The following FAM151B variants were observed in gnomAD, a reference collection of about 807,000 sequenced individuals.
The protein encoded by FAM151B is protein FAM151B.
In FAM151B, 24 loss-of-function variants were observed where a neutral mutation model predicts 31.2. The observed-to-expected ratio is 0.77, with a 90% CI of 0.56 to 1.08. The LOEUF is 1.08. Ranked by LOEUF, FAM151B falls within the 50% of genes least tolerant of loss-of-function variation. FAM151B has a pLI of 0.00. For synonymous variants in FAM151B, 105 were observed against 111.4 expected (o/e 0.94, Z 0.36); for missense variants, 293 against 328.6 (o/e 0.89, Z 0.84).
chr5:80,514,905 T>G (rs138328092), intron 3 of FAM151B, among the ~76,000 whole-genome samples: 2 of 152,186 alleles, frequency 1.3e-5, no homozygotes, highest in African/African-American at 4.8e-5. Context: ...GAGTTTGGAT[T>G]GACAGGGTCT....
chr5:80,537,696 C>T (rs2112677320), intron 5 of FAM151B, among the ~76,000 whole-genome samples: 1 of 152,082 alleles, frequency 6.6e-6, no homozygotes, highest in East Asian at 1.9e-4. Context: ...AAATGTAGAT[C>T]TTATTTTGTA....
intron 1 of FAM151B, chr5:80,498,919 G>A: frequency 3.4e-6 from 1 of 293,098 alleles, no homozygotes; most frequent in Admixed American, 3.6e-5. Context: ...TTTCTATTGT[G>A]TCCGAGGGTT....
At chr5:80,530,198 A>G (rs1172626059) in intron 5 of FAM151B, among the ~76,000 whole-genome samples, 1 of 152,234 alleles carries the variant, frequency 6.6e-6, no homozygotes, top group South Asian at 2.1e-4. Flanking sequence ...CTTCATGCTA[A>G]AAACTCTCAA....
intron 5 of FAM151B, among the ~76,000 whole-genome samples, chr5:80,538,412 C>CTTTCTT (rs1450311672): frequency 4.0e-5 from 2 of 50,248 alleles, no homozygotes; most frequent in Admixed American, 2.1e-4. Flanking sequence ...TTCTTTCTTT[C>CTTTCTT]TTTCTTTCTT....
chr5:80,505,976 T>C, intron 2 of FAM151B: 7 of 451,616 alleles, frequency 1.5e-5, no homozygotes, highest in Non-Finnish European at 2.1e-5. Flanking sequence ...CAGACTGGTC[T>C]CGAACTCCTG....
chr5:80,513,669 A>G lies in FAM151B; in HGVS notation c.217A>G (p.Ile73Val), dbSNP rs1436478998. The G allele has an allele frequency of 5.6e-6, 9 of 1,614,070 alleles. No homozygotes were observed. In the African/African-American group the frequency reaches 6.7e-5, roughly 12 times the overall value. Residue 73 changes from isoleucine (I) to valine (V), a missense_variant, in exon 3 of 6, where the codon ATT (isoleucine) becomes GTT (valine). Physicochemically the swap from Ile to Val is conservative, Grantham distance 29. Transcript: ENST00000282226. ...PSDGSEHSQP[I>V]MAHPPETNSD... is the part of the protein sequence containing the mutation. Reference sequence around the variant, plus strand: ...TGATGGATCAGAACACAGCCAGCCAATTATGGCCCATCCCCCTGAAACAAA... The same window carrying G: ...TGATGGATCAGAACACAGCCAGCCAGTTATGGCCCATCCCCCTGAAACAAA...
intron 1 of FAM151B, among the ~76,000 whole-genome samples, chr5:80,494,504 C>CTTTCTTTCTTTT (rs1743455911): frequency 7.0e-6 from 1 of 142,642 alleles, no homozygotes; most frequent in African/African-American, 2.7e-5. Flanking sequence ...TTCTTTCTTT[C>CTTTCTTTCTTTT]TTTCTTTCTT....
chr5:80,511,565 G>A (rs1320535100), intron 2 of FAM151B, among the ~76,000 whole-genome samples: 2 of 151,196 alleles, frequency 1.3e-5, no homozygotes, highest in African/African-American at 4.9e-5. Context: ...ATGTGTCAAA[G>A]CTTCTTTTTC....
chr5:80,513,484 C>CT, intron 2 of FAM151B, 120 bp from the exon 3 acceptor site: 1 of 935,762 alleles, frequency 1.1e-6, no homozygotes, highest in Non-Finnish European at 1.6e-6. Context: ...TAATCGCTCA[C>CT]TGAGTGTTAC....
At chr5:80,529,346 A>T (rs975585075) in intron 5 of FAM151B, among the ~76,000 whole-genome samples, 1 of 152,192 alleles carries the variant, frequency 6.6e-6, no homozygotes, top group African/African-American at 2.4e-5. Context: ...GCAAGAGCAA[A>T]CCCATTCAAA....
At chr5:80,511,796 G>A (rs1434133279) in intron 2 of FAM151B, among the ~76,000 whole-genome samples, 2 of 151,988 alleles carry the variant, frequency 1.3e-5, no homozygotes, top group African/African-American at 2.4e-5. Context: ...TAGTGGATAC[G>A]GGGTTTCTCC....
chr5:80,506,727 C>T (rs1743978297), intron 2 of FAM151B, among the ~76,000 whole-genome samples: 1 of 152,178 alleles, frequency 6.6e-6, no homozygotes, highest in Non-Finnish European at 1.5e-5. Flanking sequence ...TTTGGTTCTA[C>T]TGCTCTGGTT....
Position 80,522,070 on chromosome 5 carries a change from C to T in FAM151B, c.603C>T (p.Phe201=). ...ATGAACTAAGTCAGCCTGTAACGTTCCCTGTCAGAGCAGCATTAGTCAGGC... is the reference window on the plus strand; with the variant it reads ...ATGAACTAAGTCAGCCTGTAACGTTTCCTGTCAGAGCAGCATTAGTCAGGC... ...ICNELSQPVT[F]PVRAALVRQS... is the part of the protein sequence containing the mutation. Residue 201 remains phenylalanine, a synonymous_variant, in exon 5 of 6, where the codon TTC becomes TTT. Transcript: ENST00000282226. The T allele has an allele frequency of 6.2e-7, 1 of 1,612,742 alleles. No individual in the cohort carries two copies. The highest frequency in any genetic ancestry group is 1.1e-5 in the South Asian group (1 of 90,882).
chr5:80,528,145 GAA>G (rs1380680724), intron 5 of FAM151B, among the ~76,000 whole-genome samples: 1 of 152,088 alleles, frequency 6.6e-6, no homozygotes, highest in Admixed American at 6.6e-5. Flanking sequence ...GTAGAGTGCT[GAA>G]ATAATGGTTT....
At chr5:80,517,375 T>G (rs1420244514) in intron 3 of FAM151B, among the ~76,000 whole-genome samples, 2 of 152,184 alleles carry the variant, frequency 1.3e-5, no homozygotes, top group African/African-American at 4.8e-5. Context: ...GCAGATAAGG[T>G]GGACTACTGT....
At position 80,494,726 on chromosome 5, in the gene FAM151B, C is replaced by A. The variant is rs115847572; in HGVS notation, c.25+6578C>A. On this transcript the variant is annotated intron_variant, in intron 1 of 5. Transcript: ENST00000282226. ...ACGGGATTTCGTCATGTTGCCCCAG[C>A]TGGTCTCGAACTCCTGGGCTCAAGT... Among the ~76,000 whole-genome samples, 242 of 151,690 alleles carry A rather than the reference C, an allele frequency of 1.6e-3. 2 individuals carry two copies. The highest frequency in any genetic ancestry group is 5.6e-3 in the African/African-American group (231 of 41,348).
intron 1 of FAM151B, among the ~76,000 whole-genome samples, chr5:80,488,774 C>T (rs1366723551): frequency 3.9e-5 from 6 of 152,214 alleles, no homozygotes; most frequent in Admixed American, 1.3e-4. Flanking sequence ...CACGCTTTCA[C>T]CATTCTGACT....
intron 1 of FAM151B, among the ~76,000 whole-genome samples, chr5:80,490,019 TACACACACAC>T (rs71601587): frequency 9.7e-5 from 14 of 144,702 alleles, no homozygotes; most frequent in East Asian, 4.1e-4. Context: ...TTTTCCCCCT[TACACACACAC>T]ACACACACAC....
intron 1 of FAM151B, chr5:80,501,117 G>A (rs1377633791): frequency 2.1e-5 from 8 of 376,166 alleles, no homozygotes; most frequent in African/African-American, 6.3e-5. Context: ...ATGTTCAAGC[G>A]ATTCTCCTGT....
Sources: allele counts gnomAD v4.1 joint callset (sites outside exome capture counted in the v4.1 genomes callset), GRCh38; gene constraint gnomAD v4.1.1; transcripts MANE v1.5; gene names NCBI Gene and HGNC (gene_info 2026-07-23, HGNC 2026-07-21).